Variants in ZNF746 observed in about 807,000 individuals in gnomAD.
The protein encoded by ZNF746 is zinc finger protein 746.
Under a neutral mutation model 41.0 loss-of-function variants are expected in ZNF746, and 13 were observed. The observed-to-expected ratio is 0.32, with a 90% CI of 0.21 to 0.50. The LOEUF (loss-of-function observed/expected upper bound fraction) is 0.50, where lower values mean the gene tolerates loss of function less well. Ranked by LOEUF, ZNF746 falls within the 20% of genes least tolerant of loss-of-function variation. The pLI, the probability that ZNF746 is intolerant of heterozygous loss-of-function variation, is 0.98. For synonymous variants in ZNF746, 424 were observed against 396.2 expected (o/e 1.07, Z -0.83); for missense variants, 811 against 922.9 (o/e 0.88, Z 1.57).
rs1194705610 is a variant in ZNF746 at position 149,475,172 on chromosome 7, A to G, written c.1195T>C (p.Phe399Leu). Reference protein sequence around the residue: ...LFGGVRWGWNFRCKPPVGLNP... With the variant: ...LFGGVRWGWNLRCKPPVGLNP... ...AGGCCCACTGGCGGTTTACACCGGA[A>G]ATTCCAGCCCCACCGGACCCCTCCG... The change falls in exon 7 of 7, where the codon TTC (phenylalanine) becomes CTC (leucine). Residue 399 changes from phenylalanine to leucine, a missense_variant. Physicochemically the swap from Phe to Leu is conservative, Grantham distance 22. This residue lies in a region of ZNF746 where 495 missense variants were observed against 481.6 expected (regional missense o/e 1.03). Transcript: ENST00000458143. The G allele has an allele frequency of 6.2e-7, 1 of 1,612,570 alleles. No individual in the cohort carries two copies. The highest frequency in any genetic ancestry group is 2.2e-5 in the East Asian group (1 of 44,810).
intron 4 of ZNF746, chr7:149,490,781 AAG>A (rs545529989): frequency 5.9e-5 from 9 of 153,078 alleles, no homozygotes; most frequent in Non-Finnish European, 1.3e-4. Context: ...TGAGGGCAGG[AAG>A]AGTGTTGAGA....
chr7:149,477,801 G>A, intron 4 of ZNF746, 46 bp from the exon 5 acceptor site: 3 of 1,500,686 alleles, frequency 2.0e-6, no homozygotes, highest in African/African-American at 2.8e-5. Context: ...CGGCCCCTCA[G>A]CCCTGGGGCA....
intron 4 of ZNF746, chr7:149,488,137 C>G (rs1339323451): frequency 6.6e-6 from 1 of 152,196 alleles, no homozygotes; most frequent in Non-Finnish European, 1.5e-5. Context: ...CATCACAAAT[C>G]AGTGGAGAAA....
chr7:149,486,301 C>A (rs1800619958), intron 4 of ZNF746, among the ~76,000 whole-genome samples: 1 of 151,946 alleles, frequency 6.6e-6, no homozygotes, highest in African/African-American at 2.4e-5. Context: ...CACTTGACAT[C>A]ACCTGGAAAA....
chr7:149,497,627 G>A lies in ZNF746; in HGVS notation c.-91C>T, dbSNP rs1801056856. 3.1e-6 allele frequency: 3 copies of A among 959,290 alleles called. No homozygotes were observed. The highest frequency in any genetic ancestry group is 3.7e-6 in the Non-Finnish European group (3 of 800,542). 59.4% of individuals were successfully genotyped at this position (959,290 alleles called of 1,614,324 possible). ...CAGGCCCGGCCGCCCGGTGCTCTCCGCAGGCGGCGCCTGCCTGGCCTTTCC... is the reference window on the plus strand; with the variant it reads ...CAGGCCCGGCCGCCCGGTGCTCTCCACAGGCGGCGCCTGCCTGGCCTTTCC... On this transcript the variant is annotated 5_prime_UTR_variant, in exon 1 of 7. Transcript: ENST00000458143. This position sits in a 1 kb window ranked among gnomAD's most constrained non-coding sequence, Gnocchi z 4.2.
At chr7:149,478,783 A>T (rs1478768383) in intron 4 of ZNF746, among the ~76,000 whole-genome samples, 1 of 152,274 alleles carries the variant, frequency 6.6e-6, no homozygotes, top group Non-Finnish European at 1.5e-5. Context: ...TAAAGAACAG[A>T]ATCTTTAAGG....
chr7:149,486,561 T>C (rs1398494617), intron 4 of ZNF746, among the ~76,000 whole-genome samples: 1 of 152,178 alleles, frequency 6.6e-6, no homozygotes, highest in Non-Finnish European at 1.5e-5. Context: ...TACATTAACA[T>C]GGATGGCTCT....
chr7:149,481,628 T>A (rs1427300763), intron 4 of ZNF746, among the ~76,000 whole-genome samples: 1 of 152,098 alleles, frequency 6.6e-6, no homozygotes, highest in Non-Finnish European at 1.5e-5. Context: ...ACACACAAAC[T>A]GAGGGCTCAT....
intron 4 of ZNF746, among the ~76,000 whole-genome samples, chr7:149,486,702 G>T (rs918581177): frequency 6.6e-6 from 1 of 152,104 alleles, no homozygotes; most frequent in Non-Finnish European, 1.5e-5. Context: ...GAATAAAAAT[G>T]TAAAGAAAGG....
rs995864426 is a variant in ZNF746 at position 149,497,616 on chromosome 7, C to G, written c.-80G>C. 223 of 991,448 alleles carry G rather than the reference C, an allele frequency of 2.2e-4. 1 individual carries two copies. The African/African-American group carries it at 3.5e-3, about 16-fold the overall frequency. The allele number at this position is 991,448 out of a possible 1,614,324, so 61.4% of individuals were successfully genotyped here. A position where few individuals can be genotyped will look rare whatever the true frequency, so the allele number is the denominator to read the frequency against. On this transcript the variant is annotated 5_prime_UTR_variant, in exon 1 of 7. Transcript: ENST00000458143. This position sits in a 1 kb window ranked among gnomAD's most constrained non-coding sequence, Gnocchi z 4.2. ...GCGGCACCACGCAGGCCCGGCCGCC[C>G]GGTGCTCTCCGCAGGCGGCGCCTGC...
chr7:149,493,050 G>T, intron 3 of ZNF746, 78 bp from the exon 4 acceptor site: 2 of 937,522 alleles, frequency 2.1e-6, no homozygotes, highest in Non-Finnish European at 3.3e-6. Context: ...ACCAACAATG[G>T]TCTAGAAATG....
chr7:149,473,364 C>T lies in ZNF746; in HGVS notation c.*1020G>A, dbSNP rs926909330. The T allele has an allele frequency of 1.3e-5, 2 of 152,374 alleles. No individual in the cohort carries two copies. The highest frequency in any genetic ancestry group is 1.3e-4 in the Admixed American group (2 of 15,310). 9.4% of individuals were successfully genotyped at this position (152,374 alleles called of 1,614,324 possible). A position where few individuals can be genotyped will look rare whatever the true frequency, so the allele number is the denominator to read the frequency against. On this transcript the variant is annotated 3_prime_UTR_variant, in exon 7 of 7. Transcript: ENST00000458143. ...GCTCTTCCCCACTCATGGCACGCCA[C>T]GTGTACCCACAGTGAGAGGCTGAGG...
At chr7:149,488,012 T>C (rs950023840) in intron 4 of ZNF746, 1 of 152,134 alleles carries the variant, frequency 6.6e-6, no homozygotes, top group African/African-American at 2.4e-5. Flanking sequence ...AGGCTTATTA[T>C]GAAGCTAAAA....
chr7:149,476,777 G>T, intron 6 of ZNF746, 145 bp downstream of exon 6: 1 of 1,088,644 alleles, frequency 9.2e-7, no homozygotes, highest in Non-Finnish European at 1.4e-6. Flanking sequence ...ATAACAGAAT[G>T]TGCAAAGGGT....
rs568359534 is a variant in ZNF746 at position 149,473,691 on chromosome 7, G to T, written c.*693C>A. 6.5e-6 allele frequency: 1 copy of T among 153,300 alleles called. No homozygotes were observed. Among genetic ancestry groups the T allele is most frequent in the South Asian group, 2.1e-4 (1 of 4,846 alleles). 9.5% of individuals were successfully genotyped at this position (153,300 alleles called of 1,614,324 possible). On this transcript the variant is annotated 3_prime_UTR_variant, in exon 7 of 7. Coordinates refer to ENST00000458143, the MANE Select transcript of ZNF746 (RefSeq NM_001394198.1). ...CAACTCGTCCTTATGAGGCCAGGGA[G>T]TCACACACTAGGGGACACCACCAAG... is the stretch of plus-strand genomic sequence containing the variant.
intron 4 of ZNF746, among the ~76,000 whole-genome samples, chr7:149,484,684 CAAGAAAAAAAACCCATAAATATTTAAA>C (rs1180385174): frequency 2.7e-4 from 2 of 7,492 alleles, no homozygotes; most frequent in Non-Finnish European, 2.0e-4. Flanking sequence ...CACAATAAAA[CAAGAAAAAAAACCCATAAATATTTAAA>C]AAGAAAAAAA....
In ZNF746 at chr7:149,474,131, AAAAAC is replaced by A. The variant is rs1800194354; in HGVS notation, c.*248_*252del. On this transcript the variant is annotated 3_prime_UTR_variant, in exon 7 of 7. Transcript: ENST00000458143. The surrounding 1 kb of genome is among the most constrained non-coding windows in gnomAD (Gnocchi z 6.3). The stretch of plus-strand genomic sequence containing the variant: ...AAGAATTAAAAAAAAACAAAAAACA[AAAAAC>A]AAAACAGGTTTGCAATTAAATTACT... 3.8e-6 allele frequency: 2 copies of A among 530,714 alleles called. No individual in the cohort carries two copies. Among genetic ancestry groups the A allele is most frequent in the East Asian group, 3.3e-5 (1 of 30,606 alleles). The allele number at this position is 530,714 out of a possible 1,614,324, so 32.9% of individuals were successfully genotyped here.
In ZNF746 at chr7:149,472,872, G is replaced by A. The variant is rs377540118; in HGVS notation, c.*1512C>T. 6.6e-6 allele frequency: 1 copy of A among 152,584 alleles called. No homozygotes were observed. Among genetic ancestry groups the A allele is most frequent in the African/African-American group, 2.4e-5 (1 of 41,438 alleles). 9.5% of individuals were successfully genotyped at this position (152,584 alleles called of 1,614,324 possible). ...TATCAGTTATATCAATATTAGAAGT[G>A]TAAACAGGTACAAAATATACAGTAC... On this transcript the variant is annotated 3_prime_UTR_variant, in exon 7 of 7. Transcript: ENST00000458143.
At chr7:149,484,416 G>C (rs1800564246) in intron 4 of ZNF746, among the ~76,000 whole-genome samples, 1 of 152,000 alleles carries the variant, frequency 6.6e-6, no homozygotes, top group Non-Finnish European at 1.5e-5. Context: ...GCAGGTTAAG[G>C]AGAAAAAAAT....
Sources: gnomAD v4.1 joint callset for allele counts (sites outside exome capture counted in the v4.1 genomes callset) on GRCh38, gnomAD v4.1.1 for gene constraint, gnomAD v4.1.1 regional missense constraint, Gnocchi (gnomAD v3.1) non-coding constraint, MANE v1.5 for transcripts, NCBI Gene and HGNC (gene_info 2026-07-23, HGNC 2026-07-21) for gene names.